The following AGT variants were observed in gnomAD, a reference collection of about 807,000 sequenced individuals.
AGT encodes the protein alpha-1 antiproteinase, antitrypsin.
In AGT, 26 loss-of-function variants were observed where a neutral mutation model predicts 28.1. That is an observed-to-expected ratio of 0.92 (90% CI 0.68 to 1.28). The LOEUF is 1.28. Ranked by LOEUF, AGT falls within the 50% of genes most tolerant of loss-of-function variation. The pLI, the probability that AGT is intolerant of heterozygous loss-of-function variation, is 0.00. For missense variants in AGT, 596 were observed against 592.3 expected, an observed-to-expected ratio of 1.01 and a Z score of -0.06; for synonymous variants, 259 against 259.6, an observed-to-expected ratio of 1.00 and a Z score of 0.02.
At chr1:230,721,537 A>G (rs1312734350) in intron 1 of AGT, among the ~76,000 whole-genome samples, 1 of 152,238 alleles carries the variant, frequency 6.6e-6, no homozygotes, top group Non-Finnish European at 1.5e-5. Context: ...GGTAGCAGGC[A>G]GAGGTTGGAA....
chr1:230,710,174 C>T lies in AGT; in HGVS notation c.650G>A (p.Gly217Asp). Residue 217 changes from glycine (G) to aspartate (D), a missense_variant, in exon 2 of 5, where the codon GGC (glycine) becomes GAC (aspartate). Coordinates refer to ENST00000366667, the MANE Select transcript of AGT (RefSeq NM_001384479.1). ...GLHLKQPFVQ[G>D]LALYTPVVLP... ...GACCACAGGGGTATAGAGAGCCAGG[C>T]CCTGCACAAACGGCTGCTTCAGGTG... 1 of 1,614,096 alleles carries T rather than the reference C, an allele frequency of 6.2e-7. No homozygotes were observed. The highest frequency in any genetic ancestry group is 2.2e-5 in the East Asian group (1 of 44,882).
chr1:230,705,941 T>TCC lies in AGT; in HGVS notation c.1088_1089insGG (p.Ser364AspfsTer8). 1 of 1,614,092 alleles carries TCC rather than the reference T, an allele frequency of 6.2e-7. No individual in the cohort carries two copies. Among genetic ancestry groups the TCC allele is most frequent in the Non-Finnish European group, 8.5e-7 (1 of 1,180,000 alleles). On this transcript the variant is annotated frameshift_variant, in exon 3 of 5. Coordinates refer to ENST00000366667, the MANE Select transcript of AGT (RefSeq NM_001384479.1). LOFTEE classifies it high-confidence loss of function. ...GACCGGGAGGCTCCTACCGGGGAGATAGTTTCTTCATCCAGTTGAGGGAGT... is the reference window on the plus strand; with the variant it reads ...GACCGGGAGGCTCCTACCGGGGAGATCCAGTTTCTTCATCCAGTTGAGGGAGT...
At chr1:230,726,412 T>A (rs1663943448) in intron 1 of AGT, among the ~76,000 whole-genome samples, 1 of 152,118 alleles carries the variant, frequency 6.6e-6, no homozygotes, top group African/African-American at 2.4e-5. Flanking sequence ...AGTCTGAATG[T>A]CATTCCAGTC....
intron 1 of AGT, among the ~76,000 whole-genome samples, chr1:230,729,715 C>T (rs1014823673): frequency 6.6e-6 from 1 of 152,184 alleles, no homozygotes; most frequent in African/African-American, 2.4e-5. Context: ...TACAGATGGT[C>T]ACCTCAGTTG....
intron 1 of AGT, among the ~76,000 whole-genome samples, chr1:230,739,198 G>GTTTT (rs566967897): frequency 1.4e-5 from 2 of 143,868 alleles, no homozygotes; most frequent in African/African-American, 5.1e-5. Flanking sequence ...TCCTCTACAG[G>GTTTT]TTTTTTTTTT....
chr1:230,734,347 A>G (rs1346067171), intron 1 of AGT, among the ~76,000 whole-genome samples: 3 of 152,144 alleles, frequency 2.0e-5, no homozygotes, highest in African/African-American at 4.8e-5. Context: ...AGTCAGATTC[A>G]TAGAGACGGA....
At chr1:230,717,289 G>T (rs996244168), upstream of AGT, among the ~76,000 whole-genome samples, 1 of 151,996 alleles carries the variant, frequency 6.6e-6, no homozygotes, top group African/African-American at 2.4e-5. Context: ...TTTGGGATCA[G>T]TTCTACTCTG....
At chr1:230,742,537 G>A (rs1664265725) in intron 1 of AGT, among the ~76,000 whole-genome samples, 1 of 152,152 alleles carries the variant, frequency 6.6e-6, no homozygotes, top group Non-Finnish European at 1.5e-5. Context: ...GGCTGGTCTT[G>A]AACTCCTGAC....
At chr1:230,733,919 C>A (rs1420476541) in intron 1 of AGT, among the ~76,000 whole-genome samples, 1 of 152,062 alleles carries the variant, frequency 6.6e-6, no homozygotes, top group East Asian at 1.9e-4. Flanking sequence ...GGACCACTAC[C>A]CAAGAGGCCG....
At chr1:230,716,103 T>C (rs999031005), upstream of AGT, among the ~76,000 whole-genome samples, 1 of 152,252 alleles carries the variant, frequency 6.6e-6, no homozygotes, top group Non-Finnish European at 1.5e-5. Context: ...TTAAACTTGT[T>C]GCAAGATTGG....
At chr1:230,713,016 G>A (rs1663640624) in intron 1 of AGT, among the ~76,000 whole-genome samples, 1 of 152,072 alleles carries the variant, frequency 6.6e-6, no homozygotes, top group African/African-American at 2.4e-5. Flanking sequence ...CAACCCCTCT[G>A]ACCTCACCAT....
At position 230,710,099 on chromosome 1, in the gene AGT, A is replaced by T; in HGVS notation, c.725T>A (p.Ile242Asn). 1 of 1,614,166 alleles carries T rather than the reference A, an allele frequency of 6.2e-7. No homozygotes were observed. Among genetic ancestry groups the T allele is most frequent in the Non-Finnish European group, 8.5e-7 (1 of 1,180,026 alleles). The change falls in exon 2 of 5, where the codon ATT becomes AAT. Residue 242 changes from isoleucine to asparagine, a missense_variant. Physicochemically the swap from Ile to Asn is moderately radical, Grantham distance 149. Transcript: ENST00000366667. ...FTELDVAAEKIDRFMQAVTGW... is the reference protein window; with the variant it reads ...FTELDVAAEKNDRFMQAVTGW... ...TGTCACAGCCTGCATGAACCTGTCA[A>T]TCTTCTCAGCAGCAACATCCAGTTC... is the stretch of plus-strand genomic sequence containing the variant.
At chr1:230,707,985 G>A (rs187805116) in intron 2 of AGT, among the ~76,000 whole-genome samples, 31 of 152,282 alleles carry the variant, frequency 2.0e-4, no homozygotes, top group Admixed American at 1.5e-3. Context: ...TCTCTAGTGG[G>A]ACACATCTAG....
In AGT at chr1:230,704,244, G is replaced by A. The variant is rs958949145; in HGVS notation, c.1191C>T (p.His397=). ...TCAATTTTTGCAGGTTCAGCTCGGT[G>A]TGCAGAATGGCGGGCAGCTCAGCCT... The part of the protein sequence containing the change: ...LAQAELPAIL[H]TELNLQKLSN... Residue 397 remains histidine (H), a synonymous_variant, in exon 4 of 5, where the codon CAC becomes CAT. Coordinates refer to ENST00000366667, the MANE Select transcript of AGT (RefSeq NM_001384479.1). The A allele has an allele frequency of 2.5e-6, 4 of 1,614,126 alleles. No homozygotes were observed. The African/African-American group carries it at 5.3e-5, about 22-fold the overall frequency.
At chr1:230,710,969 C>T in intron 1 of AGT, 116 bp from the exon 2 acceptor site, 1 of 1,293,664 alleles carries the variant, frequency 7.7e-7, no homozygotes, top group Non-Finnish European at 1.1e-6. Flanking sequence ...CAGAATAAAT[C>T]CATTCATGTC....
chr1:230,721,465 A>G (rs1178823101), intron 1 of AGT, among the ~76,000 whole-genome samples: 1 of 152,238 alleles, frequency 6.6e-6, no homozygotes, highest in Admixed American at 6.5e-5. Flanking sequence ...GTAAATTAGT[A>G]CTGCAGAGAG....
In AGT at chr1:230,737,021, G is replaced by A. The variant is rs1571988758; in HGVS notation, c.-31+8494C>T. On this transcript the variant is annotated intron_variant, in intron 1 of 4. Coordinates refer to the AGT transcript ENST00000681269. ...GCTGGAATCTGGAGCACAGAGGTTT[G>A]AACGCTGAAGACAGCTGACTTTCAA... Among the ~76,000 whole-genome samples, 4 of 152,276 alleles carry A rather than the reference G, an allele frequency of 2.6e-5. No homozygotes were observed. In the South Asian group the frequency reaches 8.3e-4, roughly 32 times the overall value.
At chr1:230,704,097 C>A in intron 4 of AGT, 96 bp downstream of exon 4, 1 of 1,591,516 alleles carries the variant, frequency 6.3e-7, no homozygotes, top group Non-Finnish European at 8.6e-7. Context: ...CCCTGCTGGC[C>A]CCACCCATAG....
intron 4 of AGT, 118 bp from the exon 5 acceptor site, chr1:230,703,447 G>C: frequency 9.4e-7 from 1 of 1,066,092 alleles, no homozygotes. Flanking sequence ...CCTGGAGGGG[G>C]ACATTTTCCA....
Sources: allele counts gnomAD v4.1 joint callset (sites outside exome capture counted in the v4.1 genomes callset), GRCh38; gene constraint gnomAD v4.1.1; transcripts MANE v1.5; gene names NCBI Gene and HGNC (gene_info 2026-07-23, HGNC 2026-07-21).